Variants in SLC75A1 observed in about 807,000 individuals in gnomAD.
The protein encoded by SLC75A1 is solute carrier family 75 member 1.
the SLC75A1 span, chr4:2,932,992 C>T: frequency 8.9e-7 from 1 of 1,123,772 alleles, no homozygotes; most frequent in Non-Finnish European, 1.3e-6. Flanking sequence ...CGATGAGGGC[C>T]AACCAGTGGC....
chr4:2,933,064 G>C, the SLC75A1 span: 14 of 1,579,264 alleles, frequency 8.9e-6, no homozygotes, highest in African/African-American at 5.4e-5. Context: ...CTGGCTGGGT[G>C]GGAGGAGGCT....
At chr4:2,932,434 G>A in the SLC75A1 span, 1 of 1,613,774 alleles carries the variant, frequency 6.2e-7, no homozygotes, top group South Asian at 1.1e-5. Context: ...GCAAACCAGG[G>A]TGCCATTTCC....
At chr4:2,931,822 C>T in the SLC75A1 span, 1 of 1,595,834 alleles carries the variant, frequency 6.3e-7, no homozygotes, top group East Asian at 2.3e-5. Context: ...GATGGGGACC[C>T]ACCTACTGAA....
chr4:2,931,162 G>A, the SLC75A1 span: 1 of 1,557,546 alleles, frequency 6.4e-7, no homozygotes, highest in South Asian at 1.2e-5. Flanking sequence ...TGTGGGAAGA[G>A]GCACAGTCAG....
At chr4:2,931,446 G>A in the SLC75A1 span, 3 of 1,564,824 alleles carry the variant, frequency 1.9e-6, no homozygotes, top group South Asian at 2.3e-5. Context: ...GAGGAAGGCG[G>A]GCACCAGCAG....
At chr4:2,930,616 T>A in the SLC75A1 span, 1 of 590,786 alleles carries the variant, frequency 1.7e-6, no homozygotes, top group South Asian at 2.1e-5. Flanking sequence ...GTGCATAGTT[T>A]AAAAAACAAA....
chr4:2,933,006 G>A, the SLC75A1 span: 3 of 1,222,178 alleles, frequency 2.5e-6, no homozygotes, highest in African/African-American at 1.5e-5. Flanking sequence ...CAGTGGCCAT[G>A]AGGGGCCCAC....
the SLC75A1 span, chr4:2,931,547 C>T: frequency 5.0e-6 from 8 of 1,609,384 alleles, no homozygotes; most frequent in Non-Finnish European, 5.9e-6. Flanking sequence ...TTGGAGGGAG[C>T]CCCCTACCCG....
chr4:2,932,518 G>A, the SLC75A1 span: 1 of 1,613,428 alleles, frequency 6.2e-7, no homozygotes, highest in Non-Finnish European at 8.5e-7. Flanking sequence ...ACCGCCTAGG[G>A]AAAAGACCAC....
chr4:2,932,253 C>T, the SLC75A1 span: 1 of 1,550,406 alleles, frequency 6.4e-7, no homozygotes, highest in Non-Finnish European at 8.7e-7. Context: ...GCGGCCCAGC[C>T]TCCCTGGCAT....
At chr4:2,931,207 G>T in the SLC75A1 span, 1 of 1,560,644 alleles carries the variant, frequency 6.4e-7, no homozygotes, top group Non-Finnish European at 8.7e-7. Context: ...GGTGGCTTCG[G>T]CCGAGGGAAG....
At chr4:2,933,680 C>T in the SLC75A1 span, 9 of 1,613,176 alleles carry the variant, frequency 5.6e-6, no homozygotes, top group Non-Finnish European at 7.6e-6. Flanking sequence ...GATGAGGAAT[C>T]ACGATAAGGG....
At chr4:2,933,440 G>A in the SLC75A1 span, 3 of 1,075,898 alleles carry the variant, frequency 2.8e-6, no homozygotes, top group Middle Eastern at 2.0e-4. Flanking sequence ...GTGGGCAAGG[G>A]CACCAGACAT....
chr4:2,932,949 G>T, the SLC75A1 span: 2 of 1,028,944 alleles, frequency 1.9e-6, no homozygotes, highest in Non-Finnish European at 2.8e-6. Flanking sequence ...TGGAACAGGA[G>T]CCACTGGTCC....
the SLC75A1 span, chr4:2,931,446 G>C: frequency 9.6e-5 from 150 of 1,564,706 alleles, no homozygotes; most frequent in Non-Finnish European, 1.2e-4. Flanking sequence ...GAGGAAGGCG[G>C]GCACCAGCAG....
At chr4:2,933,526 G>A in the SLC75A1 span, 7 of 1,601,492 alleles carry the variant, frequency 4.4e-6, no homozygotes, top group Admixed American at 1.7e-5. Context: ...ACCAAACATA[G>A]GACCGTAGAG....
the SLC75A1 span, chr4:2,933,261 T>C: frequency 6.5e-7 from 1 of 1,547,528 alleles, no homozygotes; most frequent in Non-Finnish European, 8.9e-7. Flanking sequence ...TGAGCTGTGG[T>C]CTTGGGGCCC....
chr4:2,932,914 G>T, the SLC75A1 span: 3 of 1,102,288 alleles, frequency 2.7e-6, no homozygotes, highest in Admixed American at 8.7e-5. Context: ...TAGGGGCCAG[G>T]AGCAGCTCCT....
chr4:2,931,804 C>T, the SLC75A1 span: 14 of 1,573,740 alleles, frequency 8.9e-6, no homozygotes, highest in East Asian at 4.6e-5. Context: ...GACAGCAGGC[C>T]GTCGCCAGAT....
Sources: gnomAD v4.1 joint callset for allele counts on GRCh38, gnomAD v4.1.1 for gene constraint, MANE v1.5 for transcripts, NCBI Gene and HGNC (gene_info 2026-07-23, HGNC 2026-07-21) for gene names.